Variants in RPS6KA2 observed in about 807,000 individuals in gnomAD.
RPS6KA2 encodes ribosomal protein S6 kinase alpha-2.
RPS6KA2 carries 42 observed loss-of-function variants against 91.8 expected under a neutral mutation model. The observed-to-expected ratio is 0.46, with a 90% CI of 0.36 to 0.59. RPS6KA2 has a LOEUF of 0.59. RPS6KA2 is among the 20% of genes least tolerant of loss of function. The pLI is 0.00. For missense variants in RPS6KA2, 798 were observed against 978.5 expected (o/e 0.82, Z 2.46); for synonymous variants, 414 against 393.6 (o/e 1.05, Z -0.61).
Position 166,494,554 on chromosome 6 carries a change from T to C in RPS6KA2, c.748-3813A>G, listed in dbSNP as rs1414760159. 6.6e-6 allele frequency among the ~76,000 whole-genome samples: 1 copy of C among 152,178 alleles called. No homozygotes were observed. The highest frequency in any genetic ancestry group is 2.4e-5 in the African/African-American group (1 of 41,428). ...TTAGATGTTTACAAAACAGCCCAAA[T>C]ATCCTTCTAGAAACTGGCTCCAGCC... On this transcript the variant is annotated intron_variant, in intron 8 of 20. Transcript: ENST00000265678. This position sits in a 1 kb window ranked among gnomAD's most constrained non-coding sequence, Gnocchi z 5.1.
intron 2 of RPS6KA2, chr6:166,702,637 A>G (rs1405047836): frequency 3.6e-5 from 56 of 1,571,310 alleles, no homozygotes; most frequent in Admixed American, 2.3e-4. Context: ...CTCAACTTCT[A>G]TGGGTTTCCC....
At chr6:166,712,074 C>T (rs916082948) in intron 2 of RPS6KA2, among the ~76,000 whole-genome samples, 3 of 152,214 alleles carry the variant, frequency 2.0e-5, no homozygotes, top group South Asian at 4.1e-4. Flanking sequence ...ACAGAATGTA[C>T]GTAGGGATGC....
At chr6:166,619,071 C>T (rs939408842) in intron 1 of RPS6KA2, among the ~76,000 whole-genome samples, 3 of 152,222 alleles carry the variant, frequency 2.0e-5, no homozygotes, top group Non-Finnish European at 2.9e-5. Flanking sequence ...CGCGCACGAG[C>T]CCTGTGCGTA....
At chr6:166,760,351 T>C (rs2128602880) in intron 2 of RPS6KA2, among the ~76,000 whole-genome samples, 1 of 152,360 alleles carries the variant, frequency 6.6e-6, no homozygotes, top group South Asian at 2.1e-4. Flanking sequence ...TTCGAGGATA[T>C]ATTGAGCTGG....
rs12196922 is a variant in RPS6KA2, at chr6:166,792,349, G to A, written c.123+65851C>T. ...TAGACCAATAACAGGCTCTGAAATT[G>A]AGGCAATAATTAATAGCCTACCAAC... On this transcript the variant is annotated intron_variant, in intron 2 of 21. Coordinates refer to the RPS6KA2 transcript ENST00000503859. Among the ~76,000 whole-genome samples the A allele has an allele frequency of 5.2e-3, 782 of 150,942 alleles. 4 individuals carry two copies. The highest frequency in any genetic ancestry group is 0.014 in the Admixed American group (217 of 15,122).
At chr6:166,516,114 G>A (rs934954718) in intron 3 of RPS6KA2, among the ~76,000 whole-genome samples, 7 of 152,216 alleles carry the variant, frequency 4.6e-5, no homozygotes, top group Admixed American at 1.3e-4. Flanking sequence ...TCCTGAGGCT[G>A]TCACAGGTGC....
intron 1 of RPS6KA2, among the ~76,000 whole-genome samples, chr6:166,613,629 G>A (rs573047646): frequency 1.1e-4 from 17 of 152,188 alleles, no homozygotes; most frequent in Non-Finnish European, 1.8e-4. Context: ...TGGCAGCTCC[G>A]AGAGCTTGCT....
intron 1 of RPS6KA2, among the ~76,000 whole-genome samples, chr6:166,555,181 A>G (rs1784142016): frequency 6.6e-6 from 1 of 152,172 alleles, no homozygotes; most frequent in Admixed American, 6.5e-5. Flanking sequence ...GCATCTCTTC[A>G]TAAGTGACAG....
In RPS6KA2 at chr6:166,648,962, C is replaced by G. The variant is rs1465035323; in HGVS notation, c.124-110178G>C. ...CCACTGGCACCTCATGCCAGCCCTA[C>G]TAATGGGCTCCTTCCTTCGCCCCTC... On this transcript the variant is annotated intron_variant, in intron 2 of 21. Coordinates refer to the RPS6KA2 transcript ENST00000503859. This position sits in a 1 kb window ranked among gnomAD's most constrained non-coding sequence, Gnocchi z 4.8. Among the ~76,000 whole-genome samples, 1 of 152,206 alleles carries G rather than the reference C, an allele frequency of 6.6e-6. No individual in the cohort carries two copies. The highest frequency in any genetic ancestry group is 2.4e-5 in the African/African-American group (1 of 41,452).
At position 166,437,214 on chromosome 6, in the gene RPS6KA2, G is replaced by A. The variant is rs1346176689; in HGVS notation, c.1333-4724C>T. Among the ~76,000 whole-genome samples the A allele has an allele frequency of 6.6e-6, 1 of 152,060 alleles. No individual in the cohort carries two copies. Among genetic ancestry groups the A allele is most frequent in the Non-Finnish European group, 1.5e-5 (1 of 68,010 alleles). On this transcript the variant is annotated intron_variant, in intron 14 of 20. Coordinates refer to ENST00000265678, the MANE Select transcript of RPS6KA2 (RefSeq NM_021135.6). This position sits in a 1 kb window ranked among gnomAD's most constrained non-coding sequence, Gnocchi z 4.3. The stretch of plus-strand genomic sequence containing the variant: ...ACTGTTTAGGAGCACCAGGGAGTGG[G>A]CCCCAAGTGCCTGCCAGCGCACTTC...
At position 166,825,439 on chromosome 6, in the gene RPS6KA2, C is replaced by T. The variant is rs1318297217; in HGVS notation, c.123+32761G>A. ...TAGGTGGAATACAGCAGAGAGGGAC[C>T]CCTGGGCAGGCCTGCTTCCCCTGAC... On this transcript the variant is annotated intron_variant, in intron 2 of 21. Transcript: ENST00000503859. The surrounding 1 kb of genome is among the most constrained non-coding windows in gnomAD (Gnocchi z 4.1). Among the ~76,000 whole-genome samples, 2 of 152,146 alleles carry T rather than the reference C, an allele frequency of 1.3e-5. No homozygotes were observed. Among genetic ancestry groups the T allele is most frequent in the Non-Finnish European group, 2.9e-5 (2 of 68,020 alleles).
chr6:166,517,458 T>TTTTG (rs1782690970), intron 3 of RPS6KA2, among the ~76,000 whole-genome samples: 2 of 16,264 alleles, frequency 1.2e-4, no homozygotes, highest in African/African-American at 6.8e-4. Context: ...TTGTTTTGTT[T>TTTTG]TTTTTTTTTT....
intron 2 of RPS6KA2, among the ~76,000 whole-genome samples, chr6:166,659,275 T>G (rs1318184498): frequency 2.6e-5 from 4 of 152,220 alleles, no homozygotes. Context: ...AATCGCTCAT[T>G]ATGTTTTTAA....
chr6:166,559,353 C>T (rs757393043), intron 1 of RPS6KA2, among the ~76,000 whole-genome samples: 15 of 152,168 alleles, frequency 9.9e-5, no homozygotes, highest in Admixed American at 5.2e-4. Context: ...GCATGACATA[C>T]GAATTTTGTC....
intron 10 of RPS6KA2, among the ~76,000 whole-genome samples, chr6:166,475,077 G>A (rs1780916354): frequency 2.0e-5 from 3 of 152,138 alleles, no homozygotes; most frequent in South Asian, 2.1e-4. Flanking sequence ...CCTGGGAGGC[G>A]TTTTCCTCGC....
In RPS6KA2 at chr6:166,626,081, A is replaced by G. The variant is rs1463229474; in HGVS notation, c.99+840T>C. Among the ~76,000 whole-genome samples the G allele has an allele frequency of 6.6e-6, 1 of 152,236 alleles. No homozygotes were observed. The highest frequency in any genetic ancestry group is 1.5e-5 in the Non-Finnish European group (1 of 68,034). The stretch of plus-strand genomic sequence containing the variant: ...GTGTCAGGCGAAATCTTTGGGTCCC[A>G]GCCTCAGTCTCCCCATCACCATGTC... On this transcript the variant is annotated intron_variant, in intron 1 of 20. Transcript: ENST00000265678. This position sits in a 1 kb window ranked among gnomAD's most constrained non-coding sequence, Gnocchi z 4.1.
rs112340841 is a variant in RPS6KA2 at position 166,418,092 on chromosome 6, G to GA, written c.1938+132dup. The GA allele has an allele frequency of 0.093, 50,756 of 543,920 alleles. 13 individuals are homozygous for GA. Among genetic ancestry groups the GA allele is most frequent in the South Asian group, 0.11 (4,859 of 43,750 alleles). The allele number at this position is 543,920 out of a possible 1,614,324, so 33.7% of individuals were successfully genotyped here. ...GAGACAGAGCGAGACTCCATTTCAA[G>GA]AAAAAAAAAAAAATATGCTGAGGAT... is the stretch of plus-strand genomic sequence containing the variant. On this transcript the variant is annotated intron_variant, in intron 19 of 20. Coordinates refer to ENST00000265678, the MANE Select transcript of RPS6KA2 (RefSeq NM_021135.6). The surrounding 1 kb of genome is among the most constrained non-coding windows in gnomAD (Gnocchi z 4.9).
At chr6:166,646,676 C>A (rs1218606684) in intron 2 of RPS6KA2, among the ~76,000 whole-genome samples, 1 of 152,214 alleles carries the variant, frequency 6.6e-6, no homozygotes, top group Non-Finnish European at 1.5e-5. Context: ...ACCAGGGGCT[C>A]CTCACACCAG....
chr6:166,588,599 C>A (rs73257291), intron 1 of RPS6KA2, among the ~76,000 whole-genome samples: 288 of 152,316 alleles, frequency 1.9e-3, no homozygotes, highest in African/African-American at 6.4e-3. Flanking sequence ...ATTTTGCCAT[C>A]TAATTTGTAG....
Sources: allele counts gnomAD v4.1 joint callset (sites outside exome capture counted in the v4.1 genomes callset), GRCh38; gene constraint gnomAD v4.1.1; non-coding constraint Gnocchi (gnomAD v3.1); transcripts MANE v1.5; gene names NCBI Gene and HGNC (gene_info 2026-07-23, HGNC 2026-07-21).